Variants in NF1 observed in about 807,000 individuals in gnomAD.
NF1 encodes neurofibromin 1.
In NF1, 122 loss-of-function variants were observed where a neutral mutation model predicts 325.7. The observed-to-expected ratio is 0.37, with a 90% CI of 0.32 to 0.44. The LOEUF (loss-of-function observed/expected upper bound fraction) is 0.44. Among genes scored for constraint, NF1 ranks in the 20% least tolerant of loss-of-function variants. The pLI, the probability that NF1 is intolerant of heterozygous loss-of-function variation, is 1.00. For synonymous variants in NF1, 1,091 were observed against 1,186.0 expected (o/e 0.92, Z 1.65); for missense variants, 2,140 against 3,415.4 (o/e 0.63, Z 9.31).
intron 1 of NF1, among the ~76,000 whole-genome samples, chr17:31,122,588 T>A (rs2143397291): frequency 6.6e-6 from 1 of 152,344 alleles, no homozygotes; most frequent in East Asian, 1.9e-4. Flanking sequence ...GGCTTAAACA[T>A]CTAATTGCAT....
chr17:31,303,202 C>T (rs1183105183), intron 36 of NF1, among the ~76,000 whole-genome samples: 2 of 152,124 alleles, frequency 1.3e-5, no homozygotes, highest in African/African-American at 4.8e-5. Flanking sequence ...TTGTTTCCCC[C>T]TGGAGTTAGA....
intron 49 of NF1, among the ~76,000 whole-genome samples, 200 bp downstream of exon 49, chr17:31,349,451 T>C (rs1597858948): frequency 6.6e-6 from 1 of 152,200 alleles, no homozygotes; most frequent in African/African-American, 2.4e-5. Context: ...CCCATTAAAA[T>C]CTGAAATGTG....
At chr17:31,214,722 A>T in intron 13 of NF1, 137 bp downstream of exon 13, 1 of 722,700 alleles carries the variant, frequency 1.4e-6, no homozygotes, top group Non-Finnish European at 2.3e-6. Context: ...GAAAACTAAG[A>T]CGTCTCTAAG....
Position 31,336,791 on chromosome 17 carries a change from T to G in NF1, c.6304T>G (p.Tyr2102Asp). ...NSLDVAAHLP[Y>D]LFHVVTFLVA... ...CCTTGATGTGGCAGCTCATCTTCCC[T>G]ACCTCTTCCACGTTGTTACTTTCTT... The change falls in exon 42 of 58, where the codon TAC becomes GAC. Residue 2102 changes from tyrosine (Y) to aspartate (D), a missense_variant. Physicochemically the swap from Tyr to Asp is radical, Grantham distance 160. Transcript: ENST00000358273. The surrounding 1 kb of genome is among the most constrained non-coding windows in gnomAD (Gnocchi z 5.5). The G allele has an allele frequency of 6.2e-7, 1 of 1,614,140 alleles. No individual in the cohort carries two copies. Among genetic ancestry groups the G allele is most frequent in the Non-Finnish European group, 8.5e-7 (1 of 1,180,022 alleles).
chr17:31,219,556 A>G (rs1451789712), intron 14 of NF1, among the ~76,000 whole-genome samples: 5 of 151,972 alleles, frequency 3.3e-5, no homozygotes, highest in Admixed American at 2.6e-4. Context: ...ATATGTATAC[A>G]TGTGCCATGT....
intron 36 of NF1, among the ~76,000 whole-genome samples, chr17:31,316,780 ATT>A (rs1333593205): frequency 1.3e-5 from 2 of 152,220 alleles, no homozygotes; most frequent in African/African-American, 4.8e-5. Context: ...CTGGAATAAT[ATT>A]GTTATGATTT....
intron 27 of NF1, among the ~76,000 whole-genome samples, chr17:31,233,942 G>A (rs1209466760): frequency 2.0e-5 from 3 of 152,060 alleles, no homozygotes; most frequent in Non-Finnish European, 2.9e-5. Flanking sequence ...CCTGATCTGG[G>A]CCCTACCTCA....
chr17:31,265,176 A>T lies in NF1; in HGVS notation c.4725-53A>T, dbSNP rs537011289. ...TTTATCCAATTATAGACTTTTTTAC[A>T]TACTCAGTAGACAACATAAAGCCTC... On this transcript the variant is annotated intron_variant, in intron 35 of 57. Coordinates refer to ENST00000358273, the MANE Select transcript of NF1 (RefSeq NM_001042492.3). 12 of 1,207,386 alleles carry T rather than the reference A, an allele frequency of 9.9e-6. No homozygotes were observed. In the East Asian group the frequency reaches 2.8e-4, roughly 28 times the overall value. 74.8% of individuals were successfully genotyped at this position (1,207,386 alleles called of 1,614,324 possible). A position where few individuals can be genotyped will look rare whatever the true frequency, so the allele number is the denominator to read the frequency against.
At chr17:31,272,653 C>G (rs2067923525) in intron 36 of NF1, 1 of 152,138 alleles carries the variant, frequency 6.6e-6, no homozygotes. Flanking sequence ...AGGCTTGACG[C>G]AGGATTGGAT....
chr17:31,245,864 C>T (rs2067380974), intron 29 of NF1, among the ~76,000 whole-genome samples: 1 of 152,166 alleles, frequency 6.6e-6, no homozygotes, highest in Non-Finnish European at 1.5e-5. Context: ...CTCTCCTCTC[C>T]TTGGAGGTTG....
At chr17:31,139,169 T>C (rs1471800651) in intron 1 of NF1, among the ~76,000 whole-genome samples, 2 of 152,164 alleles carry the variant, frequency 1.3e-5, no homozygotes, top group Non-Finnish European at 1.5e-5. Flanking sequence ...TGCCTCAGCC[T>C]CTCAAGTAGC....
chr17:31,373,781 C>T (rs572266951), intron 57 of NF1, among the ~76,000 whole-genome samples: 1 of 152,226 alleles, frequency 6.6e-6, no homozygotes. Context: ...ATATGGTAAC[C>T]TGCTGTACAG....
intron 19 of NF1, 62 bp downstream of exon 19, chr17:31,227,353 G>A: frequency 9.7e-6 from 15 of 1,545,980 alleles, no homozygotes; most frequent in Non-Finnish European, 1.3e-5. Flanking sequence ...GAAGCCTCTT[G>A]TTACATATGT....
chr17:31,219,753 T>C (rs1401874671), intron 14 of NF1, among the ~76,000 whole-genome samples: 1 of 151,844 alleles, frequency 6.6e-6, no homozygotes, highest in East Asian at 1.9e-4. Context: ...TACCAACTAC[T>C]AATCTATTTT....
chr17:31,317,403 A>ACCCC (rs1555626469), intron 36 of NF1, among the ~76,000 whole-genome samples: 3 of 147,180 alleles, frequency 2.0e-5, no homozygotes, highest in African/African-American at 5.2e-5. Context: ...ACACACACAC[A>ACCCC]CCCCTAATAA....
At chr17:31,282,381 CAAAAA>C (rs35267324) in intron 36 of NF1, among the ~76,000 whole-genome samples, 8 of 99,018 alleles carry the variant, frequency 8.1e-5, no homozygotes, top group Non-Finnish European at 1.6e-4. Context: ...GATTCCATCT[CAAAAA>C]AAAAAAAAAA....
chr17:31,230,124 A>T (rs560651847), intron 22 of NF1, 136 bp from the exon 23 acceptor site: 1 of 1,404,186 alleles, frequency 7.1e-7, no homozygotes, highest in East Asian at 2.3e-5. Context: ...GAAGTTGTGT[A>T]CGTTCTTTTC....
In NF1 at chr17:31,223,502, A is replaced by G. The variant is rs1555613419; in HGVS notation, c.1780A>G (p.Thr594Ala). ...AACTAGTCATCAAATGCTTAGTAGCACAGAAATTCTCAAGTGGTTGCGGGA... is the reference window on the plus strand; with the variant it reads ...AACTAGTCATCAAATGCTTAGTAGCGCAGAAATTCTCAAGTGGTTGCGGGA... ...KLTSHQMLSS[T>A]EILKWLREIL... Residue 594 changes from threonine to alanine, a missense_variant, in exon 16 of 58, where the codon ACA (threonine) becomes GCA (alanine). Physicochemically the swap from Thr to Ala is moderately conservative, Grantham distance 58. Around this residue, in one of 10 missense-constraint regions of NF1, gnomAD observed 179 missense variants for 381.0 expected, o/e 0.47. Coordinates refer to ENST00000358273, the MANE Select transcript of NF1 (RefSeq NM_001042492.3). 6.2e-7 allele frequency: 1 copy of G among 1,613,116 alleles called. No homozygotes were observed. Among genetic ancestry groups the G allele is most frequent in the Non-Finnish European group, 8.5e-7 (1 of 1,179,264 alleles).
chr17:31,195,053 T>C (rs1268317169), intron 8 of NF1, among the ~76,000 whole-genome samples: 1 of 152,162 alleles, frequency 6.6e-6, no homozygotes, highest in Non-Finnish European at 1.5e-5. Flanking sequence ...ATAGAAATTA[T>C]CTGATTAGAT....
Sources: allele counts gnomAD v4.1 joint callset (sites outside exome capture counted in the v4.1 genomes callset), GRCh38; gene constraint gnomAD v4.1.1; regional missense constraint gnomAD v4.1.1; non-coding constraint Gnocchi (gnomAD v3.1); transcripts MANE v1.5; gene names NCBI Gene and HGNC (gene_info 2026-07-23, HGNC 2026-07-21).